The following HLCS variants were observed in gnomAD, a reference collection of about 807,000 sequenced individuals.
HLCS encodes holocarboxylase synthetase.
HLCS carries 53 observed loss-of-function variants against 75.0 expected under a neutral mutation model. The ratio of observed to expected loss-of-function variants is 0.71; its 90% CI spans 0.57 to 0.89. The LOEUF is 0.89. Among genes scored for constraint, HLCS ranks in the 40% least tolerant of loss-of-function variants. The probability of loss-of-function intolerance (pLI) is 0.00; values close to 1 mark genes in which losing one functional copy is unlikely to be tolerated. For missense variants in HLCS, 966 were observed against 1,074.0 expected, an observed-to-expected ratio of 0.90 and a Z score of 1.41; for synonymous variants, 431 against 428.6, an observed-to-expected ratio of 1.01 and a Z score of -0.07.
chr21:36,961,956 GAA>G (rs58618927), intron 2 of HLCS, 78 bp downstream of exon 2: 4,923 of 662,430 alleles, frequency 7.4e-3, no homozygotes, highest in Non-Finnish European at 8.3e-3. Flanking sequence ...TCTGTCTCAG[GAA>G]AAAAAAAAAA....
intron 6 of HLCS, among the ~76,000 whole-genome samples, chr21:36,857,338 G>T (rs2835505): frequency 0.27 from 41,719 of 152,026 alleles, 6,799 homozygotes; most frequent in African/African-American, 0.45. Flanking sequence ...TGTTCGATCC[G>T]ATTCCAAAGC....
At chr21:36,885,507 CAAA>C (rs932826438) in intron 6 of HLCS, among the ~76,000 whole-genome samples, 12 of 91,622 alleles carry the variant, frequency 1.3e-4, no homozygotes, top group Admixed American at 1.2e-4. Context: ...GATCCTGTCT[CAAA>C]AAAAAAAAAA....
intron 1 of HLCS, among the ~76,000 whole-genome samples, chr21:36,964,656 T>C (rs988798803): frequency 1.6e-4 from 24 of 152,260 alleles, no homozygotes; most frequent in African/African-American, 5.3e-4. Context: ...ACAGAATCCA[T>C]GAAAGCACCA....
At chr21:36,880,938 G>A (rs554552716) in intron 6 of HLCS, among the ~76,000 whole-genome samples, 9 of 149,990 alleles carry the variant, frequency 6.0e-5, no homozygotes, top group East Asian at 3.9e-4. Flanking sequence ...GGTTGGAAGC[G>A]ATGCCAGCAG....
At chr21:36,777,397 C>A (rs377763457) in intron 6 of HLCS, among the ~76,000 whole-genome samples, 2 of 152,226 alleles carry the variant, frequency 1.3e-5, no homozygotes, top group African/African-American at 2.4e-5. Flanking sequence ...AGCTCTCATG[C>A]GGCACGAAAA....
intron 1 of HLCS, among the ~76,000 whole-genome samples, chr21:36,965,090 T>C (rs1212974016): frequency 1.3e-5 from 2 of 152,206 alleles, no homozygotes; most frequent in African/African-American, 4.8e-5. Flanking sequence ...ATATTCAGTG[T>C]GACATAATAC....
chr21:36,914,636 C>T (rs1206507928), intron 5 of HLCS, among the ~76,000 whole-genome samples: 2 of 152,216 alleles, frequency 1.3e-5, no homozygotes, highest in East Asian at 3.9e-4. Context: ...GTTTTATAGG[C>T]ATCACACCTC....
intron 6 of HLCS, among the ~76,000 whole-genome samples, chr21:36,849,568 T>C (rs1282866312): frequency 6.6e-6 from 1 of 152,128 alleles, no homozygotes; most frequent in Non-Finnish European, 1.5e-5. Context: ...GTGGCAAAGA[T>C]GTCCAGGGCA....
At chr21:36,778,790 A>G (rs768834708) in intron 6 of HLCS, among the ~76,000 whole-genome samples, 6 of 152,060 alleles carry the variant, frequency 3.9e-5, no homozygotes, top group Non-Finnish European at 7.4e-5. Context: ...TTATTTTGAT[A>G]CTCAAATAGC....
chr21:36,982,309 A>C (rs2069137942), intron 1 of HLCS, among the ~76,000 whole-genome samples: 1 of 152,174 alleles, frequency 6.6e-6, no homozygotes, highest in African/African-American at 2.4e-5. Flanking sequence ...ATTGTTCTGA[A>C]CATCCACTCG....
chr21:36,911,888 T>C (rs1044410930), intron 5 of HLCS, among the ~76,000 whole-genome samples: 2 of 151,120 alleles, frequency 1.3e-5, no homozygotes, highest in Non-Finnish European at 2.9e-5. Flanking sequence ...CTGACCAACA[T>C]GGTGAAACCC....
intron 6 of HLCS, among the ~76,000 whole-genome samples, chr21:36,847,564 A>G (rs544516747): frequency 6.6e-6 from 1 of 152,366 alleles, no homozygotes; most frequent in South Asian, 2.1e-4. Context: ...AGTTCTCCAA[A>G]GTAATTTTTA....
In HLCS at chr21:36,966,634, A is replaced by G; in HGVS notation, c.5T>C (p.Leu2Pro). 1.0e-6 allele frequency: 1 copy of G among 979,632 alleles called. No homozygotes were observed. Among genetic ancestry groups the G allele is most frequent in the Non-Finnish European group, 1.2e-6 (1 of 827,312 alleles). 60.7% of individuals were successfully genotyped at this position (979,632 alleles called of 1,614,324 possible). A position where few individuals can be genotyped will look rare whatever the true frequency, so the allele number is the denominator to read the frequency against. M[L>P]ITLCYLYLWA... is the part of the protein sequence containing the mutation. ...CAGGTACAGGTAGCACAGCGTGATGAGCATGGCCGCGCCGCCGGCAGGGCG... is the reference window on the plus strand; with the variant it reads ...CAGGTACAGGTAGCACAGCGTGATGGGCATGGCCGCGCCGCCGGCAGGGCG... Residue 2 changes from leucine to proline, a missense_variant, in exon 1 of 11, where the codon CTC (leucine) becomes CCC (proline). Transcript: ENST00000674895.
intron 1 of HLCS, among the ~76,000 whole-genome samples, chr21:36,979,718 C>G (rs185450418): frequency 3.9e-5 from 6 of 151,950 alleles, no homozygotes; most frequent in Admixed American, 2.6e-4. Flanking sequence ...AGTTTGAGAC[C>G]GGTCTTTGCA....
intron 8 of HLCS, among the ~76,000 whole-genome samples, chr21:36,763,248 C>T (rs926488668): frequency 1.3e-5 from 2 of 152,174 alleles, no homozygotes; most frequent in Non-Finnish European, 2.9e-5. Context: ...TGGTCTCAAA[C>T]TCCTGCCCTC....
chr21:36,796,280 G>T (rs1272389736), intron 6 of HLCS, among the ~76,000 whole-genome samples: 1 of 152,142 alleles, frequency 6.6e-6, no homozygotes, highest in African/African-American at 2.4e-5. Flanking sequence ...GAAATGCAAG[G>T]ATGGTTTAAC....
At chr21:36,780,226 A>C (rs1028156126) in intron 6 of HLCS, among the ~76,000 whole-genome samples, 1 of 152,044 alleles carries the variant, frequency 6.6e-6, no homozygotes, top group African/African-American at 2.4e-5. Context: ...GCTGCAAATA[A>C]GTTCATAGAG....
At chr21:36,754,713 C>T (rs2089492981) in intron 10 of HLCS, among the ~76,000 whole-genome samples, 1 of 152,302 alleles carries the variant, frequency 6.6e-6, no homozygotes, top group Admixed American at 6.5e-5. Context: ...ACCACTTCCT[C>T]ACCTCCCAGC....
chr21:36,802,122 T>C (rs552629653), intron 6 of HLCS, among the ~76,000 whole-genome samples: 1 of 152,246 alleles, frequency 6.6e-6, no homozygotes, highest in Non-Finnish European at 1.5e-5. Context: ...CTGAAACAAG[T>C]CCAACTGCAG....
Sources: allele counts gnomAD v4.1 joint callset (sites outside exome capture counted in the v4.1 genomes callset), GRCh38; gene constraint gnomAD v4.1.1; transcripts MANE v1.5; gene names NCBI Gene and HGNC (gene_info 2026-07-23, HGNC 2026-07-21).